KY: variants seen among roughly 807,000 people sequenced by gnomAD.
KY encodes the protein kyphoscoliosis peptidase.
In KY, 43 loss-of-function variants were observed where a neutral mutation model predicts 76.1. The ratio of observed to expected loss-of-function variants is 0.57; its 90% CI spans 0.44 to 0.73. KY has a LOEUF of 0.73. Among genes scored for constraint, KY ranks in the 30% least tolerant of loss-of-function variants. The probability of loss-of-function intolerance (pLI) is 0.00; values close to 1 mark genes in which losing one functional copy is unlikely to be tolerated. For missense variants in KY, 722 were observed against 828.9 expected (o/e 0.87, Z 1.58); for synonymous variants, 277 against 326.2 (o/e 0.85, Z 1.63).
chr3:134,606,212 A>C (rs1195806083), intron 10 of KY, among the ~76,000 whole-genome samples: 1 of 152,074 alleles, frequency 6.6e-6, no homozygotes. Context: ...GATCCCCCTG[A>C]GATTCACCTT....
Position 134,631,721 on chromosome 3 carries a change from T to TA in KY, c.263-2027dup, listed in dbSNP as rs1036271509. ...AAAAATAGCTATTATGGAGATATAG[T>TA]AAAAAAATAGGCAAATTTAAATGTA... is the stretch of plus-strand genomic sequence containing the variant. On this transcript the variant is annotated intron_variant, in intron 3 of 10. Transcript: ENST00000423778. 1.3e-4 allele frequency among the ~76,000 whole-genome samples: 20 copies of TA among 151,888 alleles called. 1 individual carries two copies. Among genetic ancestry groups the TA allele is most frequent in the Admixed American group, 2.0e-4 (3 of 15,266 alleles).
chr3:134,607,834 T>G (rs1959500603), intron 10 of KY: 2 of 987,986 alleles, frequency 2.0e-6, no homozygotes, highest in East Asian at 2.3e-4. Flanking sequence ...TGGAAACGGC[T>G]GGGTCCCGCC....
In KY at chr3:134,627,818, C is replaced by A; in HGVS notation, c.338G>T (p.Arg113Leu). ...GTTTCCATTTTTATCACCTTGTAAA[C>A]CTACAATATTCCAAAGATCAGAAGT... ...QLLKKFSLAKRLQGDKNGNTR... is the reference protein window; with the variant it reads ...QLLKKFSLAKLLQGDKNGNTR... Residue 113 changes from arginine to leucine, a missense_variant and splice_region_variant, in exon 5 of 11, where the codon CGT becomes CTT. Coordinates refer to ENST00000423778, the MANE Select transcript of KY (RefSeq NM_178554.6). The A allele has an allele frequency of 6.2e-7, 1 of 1,611,880 alleles. No individual in the cohort carries two copies. The highest frequency in any genetic ancestry group is 8.5e-7 in the Non-Finnish European group (1 of 1,177,930).
At position 134,620,664 on chromosome 3, in the gene KY, C is replaced by T. The variant is rs1962448679; in HGVS notation, c.592+85G>A. On this transcript the variant is annotated intron_variant, in intron 7 of 10. Transcript: ENST00000423778. ...CCCCCACCTTTCATGTCACTCTGCA[C>T]ACGTGAATAAGCTGATAGGAGCAGA... 7.5e-6 allele frequency: 7 copies of T among 933,730 alleles called. No homozygotes were observed. The Admixed American group carries it at 8.1e-5, about 11-fold the overall frequency. 57.8% of individuals were successfully genotyped at this position (933,730 alleles called of 1,614,324 possible).
intron 2 of KY, among the ~76,000 whole-genome samples, chr3:134,644,950 C>T (rs541356651): frequency 2.0e-5 from 3 of 152,180 alleles, no homozygotes; most frequent in Admixed American, 6.5e-5. Flanking sequence ...CCAGATCAGG[C>T]GAGGAAAGGG....
intron 10 of KY, chr3:134,607,329 G>A (rs1322464919): frequency 2.0e-6 from 2 of 985,424 alleles, no homozygotes; most frequent in African/African-American, 1.7e-5. Context: ...GAAGGGACAA[G>A]TCAGTTGGAA....
At position 134,610,402 on chromosome 3, in the gene KY, G is replaced by T. The variant is rs374934236; in HGVS notation, c.711-19C>A. On this transcript the variant is annotated intron_variant, in intron 8 of 10. Transcript: ENST00000423778. ...GGCGAGCCTGGGGGCAGGACAGGGGGTCTGAGAGGGGGATCCCGCTGTGGC... is the reference window on the plus strand; with the variant it reads ...GGCGAGCCTGGGGGCAGGACAGGGGTTCTGAGAGGGGGATCCCGCTGTGGC... 44 of 1,599,722 alleles carry T rather than the reference G, an allele frequency of 2.8e-5. No individual in the cohort carries two copies. Among genetic ancestry groups the T allele is most frequent in the Non-Finnish European group, 3.6e-5 (42 of 1,172,480 alleles).
At chr3:134,649,227 CT>C (rs1255163790) in intron 1 of KY, among the ~76,000 whole-genome samples, 9 of 152,274 alleles carry the variant, frequency 5.9e-5, no homozygotes, top group Middle Eastern at 3.4e-3. Context: ...CATTAGGGGT[CT>C]TTTTTTCTCT....
chr3:134,624,319 C>T (rs1445895436), intron 6 of KY, among the ~76,000 whole-genome samples: 2 of 152,240 alleles, frequency 1.3e-5, no homozygotes, highest in Admixed American at 1.3e-4. Flanking sequence ...GAAGGATGTC[C>T]TCAACTTATG....
chr3:134,629,479 A>C, intron 4 of KY, 142 bp downstream of exon 4: 2 of 635,412 alleles, frequency 3.1e-6, no homozygotes, highest in Non-Finnish European at 5.7e-6. Context: ...TAAAGCTGTC[A>C]TGCTTCTGCC....
intron 8 of KY, chr3:134,615,349 C>CTTTT (rs35886668): frequency 1.2e-4 from 12 of 96,138 alleles, no homozygotes; most frequent in East Asian, 3.5e-4. Context: ...GTTCAAGAAG[C>CTTTT]TTTTTTTTTT....
chr3:134,610,309 G>C lies in KY; in HGVS notation c.785C>G (p.Ser262Trp), dbSNP rs78316068. The C allele has an allele frequency of 1.2e-6, 2 of 1,613,740 alleles. No individual in the cohort carries two copies. Among genetic ancestry groups the C allele is most frequent in the Non-Finnish European group, 1.7e-6 (2 of 1,179,892 alleles). ...ATTCCAGGCATGGTCAAACTCCCCCGAGAAGCTCTGCCCTGTCTGGTAGCC... is the reference window on the plus strand; with the variant it reads ...ATTCCAGGCATGGTCAAACTCCCCCCAGAAGCTCTGCCCTGTCTGGTAGCC... The part of the protein sequence containing the change: ...GFGYQTGQSF[S>W]GEFDHAWNAV... The change falls in exon 9 of 11, where the codon TCG (serine) becomes TGG (tryptophan). Residue 262 changes from serine to tryptophan, a missense_variant. Around this residue, in one of 2 missense-constraint regions of KY, gnomAD observed 552 missense variants for 680.9 expected, o/e 0.81. Coordinates refer to ENST00000423778, the MANE Select transcript of KY (RefSeq NM_178554.6).
chr3:134,601,277 G>A lies in KY; in HGVS notation c.*2302C>T, dbSNP rs1042319976. ...AAACGAGAGGGAGGGGCTTGCTGATGCCCTGCGGTGCTTTGAGGGGCGGGG... is the reference window on the plus strand; with the variant it reads ...AAACGAGAGGGAGGGGCTTGCTGATACCCTGCGGTGCTTTGAGGGGCGGGG... On this transcript the variant is annotated 3_prime_UTR_variant, in exon 11 of 11. Coordinates refer to ENST00000423778, the MANE Select transcript of KY (RefSeq NM_178554.6). Among the ~76,000 whole-genome samples, 4 of 152,156 alleles carry A rather than the reference G, an allele frequency of 2.6e-5. No individual in the cohort carries two copies. The highest frequency in any genetic ancestry group is 5.9e-5 in the Non-Finnish European group (4 of 68,038).
At chr3:134,617,171 T>A (rs1961717912) in intron 8 of KY, among the ~76,000 whole-genome samples, 2 of 152,206 alleles carry the variant, frequency 1.3e-5, no homozygotes, top group South Asian at 4.1e-4. Context: ...GCTAGAAAGC[T>A]TATACTGGAT....
At chr3:134,607,401 C>T (rs954541903) in intron 10 of KY, 70 of 985,478 alleles carry the variant, frequency 7.1e-5, no homozygotes, top group Non-Finnish European at 8.2e-5. Context: ...GTTGGAGCTC[C>T]CCAGGGGCTC....
intron 4 of KY, among the ~76,000 whole-genome samples, chr3:134,628,742 C>T (rs75082788): frequency 0.026 from 3,934 of 152,210 alleles, 74 homozygotes; most frequent in South Asian, 0.054. Flanking sequence ...GAGGCAGATT[C>T]GCTTATTTTC....
intron 1 of KY, among the ~76,000 whole-genome samples, chr3:134,648,614 AC>A (rs1468822234): frequency 6.6e-6 from 1 of 152,160 alleles, no homozygotes; most frequent in Non-Finnish European, 1.5e-5. Context: ...CTAGGGCCTT[AC>A]AGAAATGGGA....
At chr3:134,625,387 C>T (rs1453683540) in intron 5 of KY, among the ~76,000 whole-genome samples, 1 of 152,254 alleles carries the variant, frequency 6.6e-6, no homozygotes. Context: ...ATTGTAGACT[C>T]TGAGAAGTCA....
intron 3 of KY, among the ~76,000 whole-genome samples, chr3:134,631,839 T>C (rs1964280490): frequency 6.6e-6 from 1 of 152,096 alleles, no homozygotes; most frequent in Non-Finnish European, 1.5e-5. Flanking sequence ...AATGTATCAG[T>C]AATTACATTA....
Sources: gnomAD v4.1 joint callset for allele counts (sites outside exome capture counted in the v4.1 genomes callset) on GRCh38, gnomAD v4.1.1 for gene constraint, gnomAD v4.1.1 regional missense constraint, MANE v1.5 for transcripts, NCBI Gene and HGNC (gene_info 2026-07-23, HGNC 2026-07-21) for gene names.